Variants in TTC29 observed in about 807,000 individuals in gnomAD.
TTC29 encodes tetratricopeptide repeat domain 29, also known as tetratricopeptide repeat protein 29.
In TTC29, 49 loss-of-function variants were observed where a neutral mutation model predicts 58.1. The ratio of observed to expected loss-of-function variants is 0.84; its 90% CI spans 0.67 to 1.07. The LOEUF (loss-of-function observed/expected upper bound fraction) is 1.07, where lower values mean the gene tolerates loss of function less well. Among genes scored for constraint, TTC29 ranks in the 50% least tolerant of loss-of-function variants. The probability of loss-of-function intolerance (pLI) is 0.00; values close to 1 mark genes in which losing one functional copy is unlikely to be tolerated. For synonymous variants in TTC29, 209 were observed against 196.8 expected, an observed-to-expected ratio of 1.06 and a Z score of -0.52; for missense variants, 582 against 555.6, an observed-to-expected ratio of 1.05 and a Z score of -0.48.
chr4:146,827,853 C>A (rs1727912777), intron 9 of TTC29, among the ~76,000 whole-genome samples: 2 of 152,200 alleles, frequency 1.3e-5, no homozygotes, highest in Admixed American at 1.3e-4. Context: ...GCAATCCTTC[C>A]TGAAAACATT....
intron 11 of TTC29, among the ~76,000 whole-genome samples, chr4:146,753,139 T>C (rs964377430): frequency 5.3e-5 from 8 of 152,284 alleles, no homozygotes; most frequent in African/African-American, 1.4e-4. Context: ...AGAAAATTTT[T>C]GCAACCTACT....
At chr4:146,709,553 T>C (rs890611895) in intron 11 of TTC29, among the ~76,000 whole-genome samples, 1 of 152,140 alleles carries the variant, frequency 6.6e-6, no homozygotes, top group Admixed American at 6.6e-5. Context: ...GTTATCTGCC[T>C]ACTCCTCTCC....
chr4:146,742,749 TCCCTC>T (rs1245952141), intron 11 of TTC29, among the ~76,000 whole-genome samples: 8 of 125,308 alleles, frequency 6.4e-5, no homozygotes, highest in Non-Finnish European at 1.3e-4. Context: ...CCCCTCCCTT[TCCCTC>T]CCCTCCCCTC....
At chr4:146,891,148 C>T (rs143737141) in intron 6 of TTC29, among the ~76,000 whole-genome samples, 3 of 152,300 alleles carry the variant, frequency 2.0e-5, no homozygotes, top group East Asian at 1.9e-4. Flanking sequence ...CCCTAAACTA[C>T]TAGTTCACAG....
At chr4:146,798,926 C>T (rs1161372783) in intron 11 of TTC29, among the ~76,000 whole-genome samples, 1 of 139,122 alleles carries the variant, frequency 7.2e-6, no homozygotes, top group South Asian at 2.4e-4. Flanking sequence ...CTACAAAATA[C>T]CATATTTAGT....
rs374299023 is a variant in TTC29, at chr4:146,769,261, G to A, written c.1330+34196C>T. On this transcript the variant is annotated intron_variant, in intron 11 of 12. Transcript: ENST00000325106. ...GTCAATCTTTTGCTGTAGTGATTGC[G>A]AATATTTTTGACTTTCCTTTTAGAC... Among the ~76,000 whole-genome samples the A allele has an allele frequency of 9.7e-4, 148 of 151,942 alleles. 1 individual carries two copies. In the South Asian group the frequency reaches 0.03, roughly 31 times the overall value.
At chr4:146,734,324 T>G (rs970522249) in intron 11 of TTC29, among the ~76,000 whole-genome samples, 3 of 152,086 alleles carry the variant, frequency 2.0e-5, no homozygotes, top group Non-Finnish European at 4.4e-5. Context: ...TGGAGGATGG[T>G]GCACCCAGGG....
chr4:146,857,137 A>T (rs953744343), intron 8 of TTC29, among the ~76,000 whole-genome samples: 8 of 152,216 alleles, frequency 5.3e-5, no homozygotes, highest in African/African-American at 1.7e-4. Flanking sequence ...TACATATTTT[A>T]AAATTAGAAA....
intron 8 of TTC29, among the ~76,000 whole-genome samples, chr4:146,842,079 G>T (rs1728887144): frequency 6.6e-6 from 1 of 152,028 alleles, no homozygotes; most frequent in Admixed American, 6.6e-5. Context: ...GGTGCTACTA[G>T]TATCTAGTGA....
intron 11 of TTC29, among the ~76,000 whole-genome samples, chr4:146,737,748 A>G (rs1744830026): frequency 6.6e-6 from 1 of 152,172 alleles, no homozygotes; most frequent in African/African-American, 2.4e-5. Flanking sequence ...CTTCAGACCA[A>G]GGAACAAACA....
chr4:146,804,962 G>A (rs531316630), intron 10 of TTC29, among the ~76,000 whole-genome samples: 2 of 152,290 alleles, frequency 1.3e-5, no homozygotes, highest in Non-Finnish European at 2.9e-5. Flanking sequence ...AGCAGGGGTC[G>A]ACAGACACCT....
At chr4:146,813,732 C>T (rs1268278533) in intron 10 of TTC29, among the ~76,000 whole-genome samples, 2 of 152,102 alleles carry the variant, frequency 1.3e-5, no homozygotes, top group Non-Finnish European at 2.9e-5. Context: ...CTGTAGGTAG[C>T]CAGCACTTTG....
At chr4:146,795,990 C>T (rs936511481) in intron 11 of TTC29, among the ~76,000 whole-genome samples, 6 of 152,182 alleles carry the variant, frequency 3.9e-5, no homozygotes, top group Non-Finnish European at 8.8e-5. Flanking sequence ...CCAACTCTTC[C>T]TTTCTACTGA....
chr4:146,784,530 G>T (rs1748862605), intron 11 of TTC29, among the ~76,000 whole-genome samples: 1 of 152,026 alleles, frequency 6.6e-6, no homozygotes, highest in Non-Finnish European at 1.5e-5. Flanking sequence ...GATTATGTGT[G>T]CAGAGCCCTC....
chr4:146,774,898 C>A (rs1051357210), intron 11 of TTC29, among the ~76,000 whole-genome samples: 16 of 152,122 alleles, frequency 1.1e-4, no homozygotes, highest in Non-Finnish European at 1.9e-4. Context: ...CTTTGTAGTT[C>A]TTTAAGAACT....
chr4:146,769,981 G>A (rs1335798562), intron 11 of TTC29, among the ~76,000 whole-genome samples: 1 of 151,956 alleles, frequency 6.6e-6, no homozygotes, highest in Admixed American at 6.6e-5. Flanking sequence ...TAGATTAAAA[G>A]GCAGACCTAG....
At chr4:146,745,512 G>T (rs1045335041) in intron 11 of TTC29, among the ~76,000 whole-genome samples, 2 of 152,192 alleles carry the variant, frequency 1.3e-5, no homozygotes, top group African/African-American at 4.8e-5. Context: ...AAAGAATGCA[G>T]TTTCCTTCCT....
chr4:146,866,147 AG>A (rs1178751578), intron 8 of TTC29, among the ~76,000 whole-genome samples: 1 of 152,206 alleles, frequency 6.6e-6, no homozygotes, highest in African/African-American at 2.4e-5. Context: ...AGGGAAGGAA[AG>A]AAAATTTAGT....
At chr4:146,815,699 A>G (rs1449122315) in intron 10 of TTC29, among the ~76,000 whole-genome samples, 2 of 152,204 alleles carry the variant, frequency 1.3e-5, no homozygotes, top group Admixed American at 1.3e-4. Flanking sequence ...AATTTAGAGA[A>G]AAAAACAATA....
Sources: allele counts gnomAD v4.1 joint callset (sites outside exome capture counted in the v4.1 genomes callset), GRCh38; gene constraint gnomAD v4.1.1; transcripts MANE v1.5; gene names NCBI Gene and HGNC (gene_info 2026-07-23, HGNC 2026-07-21).